The following RANGAP1 variants were observed in gnomAD, a reference collection of about 807,000 sequenced individuals.
RANGAP1 encodes the protein Ran GTPase activating protein 1, also known as ran GTPase-activating protein 1.
A neutral mutation model predicts 63.5 loss-of-function variants in RANGAP1; 38 were observed. That is an observed-to-expected ratio of 0.60 (90% CI 0.46 to 0.78). The LOEUF is 0.78. Among genes scored for constraint, RANGAP1 ranks in the 30% least tolerant of loss-of-function variants. The pLI, the probability that RANGAP1 is intolerant of heterozygous loss-of-function variation, is 0.00. For missense variants in RANGAP1, 630 were observed against 740.3 expected (o/e 0.85, Z 1.73); for synonymous variants, 329 against 310.5 (o/e 1.06, Z -0.63).
At chr22:41,270,496 G>A (rs960105335) in intron 3 of RANGAP1, among the ~76,000 whole-genome samples, 1 of 152,104 alleles carries the variant, frequency 6.6e-6, no homozygotes, top group Non-Finnish European at 1.5e-5. Context: ...CGCCCAGGCC[G>A]GGGCGTAGCC....
intron 5 of RANGAP1, among the ~76,000 whole-genome samples, chr22:41,263,983 G>C (rs2034318668): frequency 6.6e-6 from 1 of 152,254 alleles, no homozygotes. Flanking sequence ...TTAAGGTATT[G>C]CATATTCAAA....
chr22:41,298,119 A>G, the RANGAP1 span, among the ~76,000 whole-genome samples: 1 of 150,524 alleles, frequency 6.6e-6, no homozygotes, highest in Non-Finnish European at 1.5e-5. Context: ...CTGCCTCCCA[A>G]AGTGCTGGGA....
At chr22:41,267,948 C>T (rs538225714) in intron 4 of RANGAP1, 149 bp downstream of exon 4, 11 of 766,726 alleles carry the variant, frequency 1.4e-5, no homozygotes, top group African/African-American at 1.0e-4. Context: ...ACACAGGGCA[C>T]GTGCTGGACT....
the RANGAP1 span, among the ~76,000 whole-genome samples, chr22:41,297,659 G>T: frequency 1.0e-4 from 15 of 149,860 alleles, no homozygotes; most frequent in South Asian, 2.1e-4. Context: ...GAATAGCTGG[G>T]GACTACACAC....
chr22:41,269,088 T>C (rs1302684171), intron 3 of RANGAP1, among the ~76,000 whole-genome samples: 1 of 151,958 alleles, frequency 6.6e-6, no homozygotes, highest in Non-Finnish European at 1.5e-5. Context: ...GTTTTCTTCG[T>C]TTTTTTTAAG....
At chr22:41,287,382 GT>G (rs1555950580), upstream of RANGAP1, among the ~76,000 whole-genome samples, 95 of 133,810 alleles carry the variant, frequency 7.1e-4, no homozygotes, top group East Asian at 2.3e-3. Flanking sequence ...TTTTTTTTTT[GT>G]TTTTTTTTTT....
chr22:41,266,201 C>CA lies in RANGAP1; in HGVS notation c.301-1359dup, dbSNP rs35457855. On this transcript the variant is annotated intron_variant, in intron 4 of 15. Transcript: ENST00000356244. ...TGGGAAACAGAGTGAGACTCCGCCT[C>CA]AAAAAAAAAAAAAAAGCCTAGCCCC... 8.4e-3 allele frequency among the ~76,000 whole-genome samples: 987 copies of CA among 117,870 alleles called. 9 individuals are homozygous for CA. Among genetic ancestry groups the CA allele is most frequent in the African/African-American group, 0.029 (861 of 30,202 alleles). 77.3% of individuals were successfully genotyped at this position (117,870 alleles called of 152,430 possible).
the RANGAP1 span, among the ~76,000 whole-genome samples, chr22:41,299,236 C>T: frequency 6.6e-6 from 1 of 151,938 alleles, no homozygotes; most frequent in Non-Finnish European, 1.5e-5. Context: ...AGGTTCAAGC[C>T]ATTCTCCTGC....
chr22:41,277,597 G>C (rs1196023188), intron 2 of RANGAP1: 1 of 898,764 alleles, frequency 1.1e-6, no homozygotes, highest in Non-Finnish European at 1.5e-6. Context: ...GAAGGGTCTT[G>C]AGAAAGGACT....
intron 13 of RANGAP1, 33 bp from the exon 14 acceptor site, chr22:41,249,850 G>A: frequency 3.8e-6 from 6 of 1,585,876 alleles, no homozygotes; most frequent in Non-Finnish European, 4.3e-6. Flanking sequence ...GCAGGCTGCT[G>A]GCTATGGCAG....
At chr22:41,279,100 G>T (rs2145838389) in intron 2 of RANGAP1, among the ~76,000 whole-genome samples, 1 of 152,278 alleles carries the variant, frequency 6.6e-6, no homozygotes, top group African/African-American at 2.4e-5. Flanking sequence ...CCAACATCAT[G>T]CCAGTGCACT....
chr22:41,301,357 A>G, the RANGAP1 span, among the ~76,000 whole-genome samples: 1 of 152,186 alleles, frequency 6.6e-6, no homozygotes, highest in South Asian at 2.1e-4. Context: ...TTTAAAGAAA[A>G]TAAAGGTGAA....
Position 41,249,354 on chromosome 22 carries a change from G to A in RANGAP1, c.1670C>T (p.Pro557Leu), listed in dbSNP as rs1397217225. The change falls in exon 15 of 16, where the codon CCC (proline) becomes CTC (leucine). Residue 557 changes from proline (P) to leucine (L), a missense_variant. Transcript: ENST00000356244. ...CTTGGTCACGAACGCCAGCAGCAGG[G>A]GTGCAAGGGCCTTGGGGAAATAGTC... ...QQDYFPKALAPLLLAFVTKPN... is the reference protein window; with the variant it reads ...QQDYFPKALALLLLAFVTKPN... 6.2e-7 allele frequency: 1 copy of A among 1,609,776 alleles called. No homozygotes were observed. Among genetic ancestry groups the A allele is most frequent in the Non-Finnish European group, 8.5e-7 (1 of 1,177,398 alleles).
chr22:41,273,653 G>C (rs1272215745), intron 3 of RANGAP1, among the ~76,000 whole-genome samples: 1 of 150,414 alleles, frequency 6.6e-6, no homozygotes, highest in Non-Finnish European at 1.5e-5. Flanking sequence ...CATAATCCTA[G>C]CTACTTGGCA....
At chr22:41,264,941 C>T in intron 4 of RANGAP1, 98 bp from the exon 5 acceptor site, 1 of 1,287,750 alleles carries the variant, frequency 7.8e-7, no homozygotes, top group South Asian at 1.4e-5. Context: ...CCAAGGACAC[C>T]CCGGCTGGTG....
the RANGAP1 span, among the ~76,000 whole-genome samples, chr22:41,292,136 T>A: frequency 6.6e-6 from 1 of 151,478 alleles, no homozygotes; most frequent in Non-Finnish European, 1.5e-5. Flanking sequence ...TACTTTCAAT[T>A]TATTTTTTAA....
At chr22:41,267,919 ACCCTCCCCT>A (rs1427159516) in intron 4 of RANGAP1, among the ~76,000 whole-genome samples, 169 bp downstream of exon 4, 7 of 151,272 alleles carry the variant, frequency 4.6e-5, no homozygotes, top group African/African-American at 1.7e-4. Flanking sequence ...CTGTGCTCCC[ACCCTCCCCT>A]CCTGTCAGGA....
At chr22:41,298,619 C>T in the RANGAP1 span, among the ~76,000 whole-genome samples, 2 of 151,988 alleles carry the variant, frequency 1.3e-5, no homozygotes, top group African/African-American at 4.8e-5. Context: ...CCGGCCTCGG[C>T]CTCCCAAAGT....
the RANGAP1 span, among the ~76,000 whole-genome samples, chr22:41,300,191 A>G: frequency 6.6e-6 from 1 of 151,882 alleles, no homozygotes; most frequent in South Asian, 2.1e-4. Context: ...GTCCTGCTGA[A>G]TCCCCCTTGA....
Sources: allele counts gnomAD v4.1 joint callset (sites outside exome capture counted in the v4.1 genomes callset), GRCh38; gene constraint gnomAD v4.1.1; transcripts MANE v1.5; gene names NCBI Gene and HGNC (gene_info 2026-07-23, HGNC 2026-07-21).